The following DHRS7 variants were observed in gnomAD, a reference collection of about 807,000 sequenced individuals.
DHRS7 encodes dehydrogenase/reductase 7, also known as dehydrogenase/reductase SDR family member 7.
DHRS7 carries 34 observed loss-of-function variants against 38.9 expected under a neutral mutation model. The ratio of observed to expected loss-of-function variants is 0.87; its 90% CI spans 0.66 to 1.16. The LOEUF (loss-of-function observed/expected upper bound fraction) is 1.16, where lower values mean the gene tolerates loss of function less well. Ranked by LOEUF, DHRS7 falls within the 50% of genes most tolerant of loss-of-function variation. DHRS7 has a pLI of 0.00. For missense variants in DHRS7, 421 were observed against 407.0 expected (o/e 1.03, Z -0.30); for synonymous variants, 158 against 153.1 (o/e 1.03, Z -0.24).
chr14:60,159,307 AC>A (rs1393494711), intron 1 of DHRS7: 1 of 436,088 alleles, frequency 2.3e-6, no homozygotes, highest in Non-Finnish European at 4.2e-6. Context: ...CAAACAACTG[AC>A]ACAAAAAGCA....
At chr14:60,157,516 G>A (rs1254037) in intron 1 of DHRS7, among the ~76,000 whole-genome samples, 40,456 of 152,120 alleles carry the variant, frequency 0.27, 7,300 homozygotes, top group African/African-American at 0.51. Context: ...ATGGCTTAAC[G>A]TTTTTACATT....
rs1385343379 is a variant in DHRS7, at chr14:60,154,184, C to T, written c.287-119G>A. 3 of 707,136 alleles carry T rather than the reference C, an allele frequency of 4.2e-6. No individual in the cohort carries two copies. In the African/African-American group the frequency reaches 5.4e-5, roughly 13 times the overall value. 43.8% of individuals were successfully genotyped at this position (707,136 alleles called of 1,614,324 possible). A position where few individuals can be genotyped will look rare whatever the true frequency, so the allele number is the denominator to read the frequency against. On this transcript the variant is annotated intron_variant, in intron 2 of 6. Coordinates refer to ENST00000557185, the MANE Select transcript of DHRS7 (RefSeq NM_016029.4). ...GCAACAAACTCATTTCTGGGTGGCCCTGTGAAAGTTCCTCTCGGTGGTCAG... is the reference window on the plus strand; with the variant it reads ...GCAACAAACTCATTTCTGGGTGGCCTTGTGAAAGTTCCTCTCGGTGGTCAG...
chr14:60,157,435 A>G (rs1248078646), intron 1 of DHRS7, among the ~76,000 whole-genome samples: 4 of 152,242 alleles, frequency 2.6e-5, no homozygotes, highest in African/African-American at 9.6e-5. Flanking sequence ...CTACAGCAAA[A>G]CATAGAACAG....
At chr14:60,164,329 T>A (rs888183698) in intron 1 of DHRS7, among the ~76,000 whole-genome samples, 1 of 150,070 alleles carries the variant, frequency 6.7e-6, no homozygotes, top group Non-Finnish European at 1.5e-5. Flanking sequence ...TAACATGCTT[T>A]GAGTATTTTT....
Position 60,144,788 on chromosome 14 carries a change from G to C in DHRS7, c.*178C>G, listed in dbSNP as rs537499214. 3.5e-5 allele frequency: 21 copies of C among 606,078 alleles called. No individual in the cohort carries two copies. In the African/African-American group the frequency reaches 3.8e-4, roughly 11 times the overall value. The allele number at this position is 606,078 out of a possible 1,614,324, so 37.5% of individuals were successfully genotyped here. ...GTATGAGTTAATACCTTTTTTGCAA[G>C]ATTCATGGCAATCTTTTATTATTTA... On this transcript the variant is annotated 3_prime_UTR_variant, in exon 7 of 7. Coordinates refer to ENST00000557185, the MANE Select transcript of DHRS7 (RefSeq NM_016029.4).
In DHRS7 at chr14:60,154,593, T is replaced by C. The variant is rs559558203; in HGVS notation, c.287-528A>G. On this transcript the variant is annotated intron_variant, in intron 2 of 6. Transcript: ENST00000557185. ...CAAGAAACATGCTGCTGCTTTGTGA[T>C]TGGCTTTCTGTTCATCAAAAGAACA... Among the ~76,000 whole-genome samples the C allele has an allele frequency of 4.0e-4, 61 of 152,322 alleles. 1 individual carries two copies. Among genetic ancestry groups the C allele is most frequent in the Admixed American group, 1.2e-3 (19 of 15,300 alleles).
intron 1 of DHRS7, among the ~76,000 whole-genome samples, chr14:60,164,096 A>G (rs1241585001): frequency 6.6e-6 from 1 of 151,734 alleles, no homozygotes; most frequent in Admixed American, 6.6e-5. Context: ...AGAAAACCCA[A>G]CCAGAAAAAT....
chr14:60,168,498 T>C (rs1306317230), upstream of DHRS7, among the ~76,000 whole-genome samples: 3 of 152,112 alleles, frequency 2.0e-5, no homozygotes, highest in South Asian at 2.1e-4. Flanking sequence ...TTATGTAAAA[T>C]TTACTAGTGG....
intron 6 of DHRS7, chr14:60,147,412 C>G (rs1331846043): frequency 6.6e-6 from 1 of 152,036 alleles, no homozygotes; most frequent in Admixed American, 6.6e-5. Flanking sequence ...AAAAAGGTAA[C>G]TGGGTGACAT....
At position 60,144,345 on chromosome 14, in the gene DHRS7, C is replaced by T. The variant is rs1472862090; in HGVS notation, c.*621G>A. On this transcript the variant is annotated 3_prime_UTR_variant, in exon 7 of 7. Coordinates refer to ENST00000557185, the MANE Select transcript of DHRS7 (RefSeq NM_016029.4). ...TGCTATGGTTTGGATGTTTTTGTCCCCTCCAAAATTCATGTCGAAACTTAA... is the reference window on the plus strand; with the variant it reads ...TGCTATGGTTTGGATGTTTTTGTCCTCTCCAAAATTCATGTCGAAACTTAA... 6.6e-6 allele frequency: 1 copy of T among 152,290 alleles called. No homozygotes were observed. Among genetic ancestry groups the T allele is most frequent in the African/African-American group, 2.4e-5 (1 of 41,406 alleles). The allele number at this position is 152,290 out of a possible 1,614,324, so 9.4% of individuals were successfully genotyped here.
At chr14:60,150,335 ATTTT>A in intron 4 of DHRS7, 148 bp from the exon 5 acceptor site, 6 of 691,032 alleles carry the variant, frequency 8.7e-6, no homozygotes, top group Non-Finnish European at 1.3e-5. Context: ...TTATTATTAT[ATTTT>A]AAGTTCTAGG....
chr14:60,159,633 G>C (rs1233502425), intron 1 of DHRS7, among the ~76,000 whole-genome samples: 1 of 148,968 alleles, frequency 6.7e-6, no homozygotes, highest in African/African-American at 2.5e-5. Context: ...TTTATTATAG[G>C]CTTAGTAAGA....
rs1759556768 is a variant in DHRS7 at position 60,150,206 on chromosome 14, A to G, written c.634-19T>C. 3 of 1,515,534 alleles carry G rather than the reference A, an allele frequency of 2.0e-6. No homozygotes were observed. Among genetic ancestry groups the G allele is most frequent in the Non-Finnish European group, 1.8e-6 (2 of 1,137,316 alleles). The allele number at this position is 1,515,534 out of a possible 1,614,324, so 93.9% of individuals were successfully genotyped here. ...AAAAACCCTAACAGACAAAAAAAAA[A>G]AAAAAGGAAAAAGGCAAATAAATAC... is the stretch of plus-strand genomic sequence containing the variant. On this transcript the variant is annotated intron_variant, in intron 4 of 6. Coordinates refer to ENST00000557185, the MANE Select transcript of DHRS7 (RefSeq NM_016029.4).
At chr14:60,150,213 GA>G in intron 4 of DHRS7, 26 bp from the exon 5 acceptor site, 3 of 1,276,272 alleles carry the variant, frequency 2.4e-6, no homozygotes, top group South Asian at 1.8e-5. Flanking sequence ...AAAAAAAAAG[GA>G]AAAAGGCAAA....
At position 60,156,093 on chromosome 14, in the gene DHRS7, C is replaced by A. The variant is rs1199938684; in HGVS notation, c.193G>T (p.Glu65Ter). The A allele has an allele frequency of 6.2e-7, 1 of 1,603,650 alleles. No individual in the cohort carries two copies. Among genetic ancestry groups the A allele is most frequent in the African/African-American group, 1.3e-5 (1 of 74,190 alleles). ...AGTTTAGACAACTGGTAAGCCAGCT[C>A]CTCACCAATTCCACTCGAGGCTCCA... ...VTGASSGIGE[E>*]LAYQLSKLGV... is the part of the protein sequence containing the mutation. Residue 65 changes from glutamate (E) to a stop codon, truncating the protein, a stop_gained, in exon 2 of 7, where the codon GAG (glutamate) becomes TAG (stop). Transcript: ENST00000557185. LOFTEE classifies it high-confidence loss of function.
Position 60,144,707 on chromosome 14 carries a change from A to C in DHRS7, c.*259T>G, listed in dbSNP as rs1427017375. The C allele has an allele frequency of 2.9e-6, 1 of 349,524 alleles. No homozygotes were observed. Among genetic ancestry groups the C allele is most frequent in the Non-Finnish European group, 5.1e-6 (1 of 196,494 alleles). The allele number at this position is 349,524 out of a possible 1,614,324, so 21.7% of individuals were successfully genotyped here. On this transcript the variant is annotated 3_prime_UTR_variant, in exon 7 of 7. Transcript: ENST00000557185. ...TGGACTAAGACAAATCTGTTAACTT[A>C]GATTTTAAGCATATGTGCTAAAGTA... is the stretch of plus-strand genomic sequence containing the variant.
At chr14:60,152,889 A>G in intron 4 of DHRS7, 50 bp downstream of exon 4, 1 of 1,605,762 alleles carries the variant, frequency 6.2e-7, no homozygotes. Flanking sequence ...CATATCCCCC[A>G]TATACACATT....
chr14:60,160,449 G>A (rs1896742826), intron 1 of DHRS7, among the ~76,000 whole-genome samples: 1 of 150,904 alleles, frequency 6.6e-6, no homozygotes, highest in South Asian at 2.1e-4. Flanking sequence ...ATAGAAATAG[G>A]ATGGAAAAGT....
rs1896597236 is a variant in DHRS7, at chr14:60,153,719, A to ATAAATAAG, written c.393+239_393+240insCTTATTTA. On this transcript the variant is annotated intron_variant, in intron 3 of 6. Coordinates refer to ENST00000557185, the MANE Select transcript of DHRS7 (RefSeq NM_016029.4). The surrounding 1 kb of genome is among the most constrained non-coding windows in gnomAD (Gnocchi z 4.4). The stretch of plus-strand genomic sequence containing the variant: ...TCAAAATACATAAATAAATAAATAA[A>ATAAATAAG]AGCAGCCGTGAATTTTTAGCTTCTT... Among the ~76,000 whole-genome samples, 1 of 151,866 alleles carries ATAAATAAG rather than the reference A, an allele frequency of 6.6e-6. No homozygotes were observed. Among genetic ancestry groups the ATAAATAAG allele is most frequent in the African/African-American group, 2.4e-5 (1 of 41,264 alleles).
Sources: allele counts gnomAD v4.1 joint callset (sites outside exome capture counted in the v4.1 genomes callset), GRCh38; gene constraint gnomAD v4.1.1; non-coding constraint Gnocchi (gnomAD v3.1); transcripts MANE v1.5; gene names NCBI Gene and HGNC (gene_info 2026-07-23, HGNC 2026-07-21).